The following ATAD1 variants were observed in gnomAD, a reference collection of about 807,000 sequenced individuals.
The protein encoded by ATAD1 is outer mitochondrial transmembrane helix translocase.
Under a neutral mutation model 42.7 loss-of-function variants are expected in ATAD1, and 18 were observed. That is an observed-to-expected ratio of 0.42 (90% CI 0.29 to 0.63). The LOEUF (loss-of-function observed/expected upper bound fraction) is 0.63, where lower values mean the gene tolerates loss of function less well. Ranked by LOEUF, ATAD1 falls within the 20% of genes least tolerant of loss-of-function variation. The probability of loss-of-function intolerance (pLI) is 0.19; values close to 1 mark genes in which losing one functional copy is unlikely to be tolerated. For missense variants in ATAD1, 294 were observed against 440.4 expected (o/e 0.67, Z 2.98); for synonymous variants, 132 against 143.1 (o/e 0.92, Z 0.55).
chr10:87,797,156 A>T (rs1853167), intron 2 of ATAD1, among the ~76,000 whole-genome samples: 20 of 151,876 alleles, frequency 1.3e-4, no homozygotes, highest in Non-Finnish European at 2.4e-4. Context: ...TACCATTAGC[A>T]CAGTCAGTGA....
chr10:87,821,296 G>A (rs1279921451), upstream of ATAD1, among the ~76,000 whole-genome samples: 1 of 152,140 alleles, frequency 6.6e-6, no homozygotes, highest in South Asian at 2.1e-4. Context: ...GGGAGGCCGA[G>A]GCAGGTGGAT....
chr10:87,819,291 AC>A (rs1279500110), upstream of ATAD1: 120 of 142,012 alleles, frequency 8.4e-4, 1 homozygote, highest in Admixed American at 1.3e-3. Flanking sequence ...AAAAAAAAAA[AC>A]CACCTAAAAA....
At chr10:87,836,575 A>G (rs1428592890) in intron 1 of ATAD1, among the ~76,000 whole-genome samples, 1 of 152,118 alleles carries the variant, frequency 6.6e-6, no homozygotes, top group Non-Finnish European at 1.5e-5. Flanking sequence ...CCTGTAAATA[A>G]TGTATCATTT....
At chr10:87,839,817 TA>T (rs1029826398) in intron 1 of ATAD1, among the ~76,000 whole-genome samples, 1 of 151,436 alleles carries the variant, frequency 6.6e-6, no homozygotes, top group Non-Finnish European at 1.5e-5. Flanking sequence ...TTTAAAGAAG[TA>T]ATGGGATTGT....
At chr10:87,833,727 C>CTTTTTTTTTTTTTTTTTTT (rs3033524) in intron 1 of ATAD1, among the ~76,000 whole-genome samples, 5 of 100,768 alleles carry the variant, frequency 5.0e-5, no homozygotes, top group Non-Finnish European at 9.3e-5. Context: ...TCTTTCTTTC[C>CTTTTTTTTTTTTTTTTTTT]TTTTTTTTTT....
intron 1 of ATAD1, among the ~76,000 whole-genome samples, chr10:87,831,742 G>A (rs181436762): frequency 5.3e-5 from 8 of 152,210 alleles, no homozygotes; most frequent in South Asian, 4.1e-4. Context: ...TTATAATGTC[G>A]TATGGCATAC....
intron 8 of ATAD1, among the ~76,000 whole-genome samples, chr10:87,761,687 T>C (rs1036442548): frequency 6.6e-6 from 1 of 152,054 alleles, no homozygotes; most frequent in Non-Finnish European, 1.5e-5. Context: ...ATGAAAAATA[T>C]AATCCTAAAA....
intron 5 of ATAD1, among the ~76,000 whole-genome samples, chr10:87,777,826 G>T (rs1052004222): frequency 6.6e-6 from 1 of 152,042 alleles, no homozygotes; most frequent in Non-Finnish European, 1.5e-5. Flanking sequence ...AGTAATTTCA[G>T]CAAAAACACA....
chr10:87,792,680 G>C lies in ATAD1; in HGVS notation c.238C>G (p.Leu80Val). The stretch of plus-strand genomic sequence containing the variant: ...ACATGCATATTAAGAGGGTCTACAA[G>C]ATGAGCAGCAATACTCATTTCATAT... The part of the protein sequence containing the change: ...SEYEMSIAAH[L>V]VDPLNMHVTW... Residue 80 changes from leucine (L) to valine (V), a missense_variant, in exon 3 of 10, where the codon CTT becomes GTT. Leu to Val is a conservative substitution (Grantham distance 32). This residue lies in a region of ATAD1 where 121 missense variants were observed against 187.3 expected (regional missense o/e 0.65). Coordinates refer to ENST00000680024, the MANE Select transcript of ATAD1 (RefSeq NM_001321967.2). The C allele has an allele frequency of 2.6e-6, 4 of 1,550,530 alleles. No homozygotes were observed. The highest frequency in any genetic ancestry group is 3.5e-6 in the Non-Finnish European group (4 of 1,140,338).
intron 4 of ATAD1, among the ~76,000 whole-genome samples, chr10:87,788,918 G>C (rs1428762235): frequency 2.0e-5 from 3 of 152,078 alleles, no homozygotes; most frequent in African/African-American, 7.2e-5. Context: ...TGAGTGTTTT[G>C]TTAGGAAAAA....
intron 2 of ATAD1, among the ~76,000 whole-genome samples, chr10:87,804,472 C>T (rs1186655603): frequency 4.6e-5 from 7 of 151,968 alleles, no homozygotes; most frequent in Admixed American, 2.0e-4. Context: ...AGGGTTCAAG[C>T]GATTCTCCTG....
chr10:87,816,061 C>G (rs1857401942), intron 1 of ATAD1, among the ~76,000 whole-genome samples: 2 of 152,096 alleles, frequency 1.3e-5, no homozygotes, highest in African/African-American at 2.4e-5. Context: ...CATGAATCTT[C>G]GTATTATTCA....
chr10:87,795,182 T>A (rs547117281), intron 2 of ATAD1, among the ~76,000 whole-genome samples: 1 of 152,264 alleles, frequency 6.6e-6, no homozygotes, highest in South Asian at 2.1e-4. Flanking sequence ...TAATTTCGAA[T>A]CCCATATTTT....
At chr10:87,812,643 A>G (rs1210134752) in intron 2 of ATAD1, among the ~76,000 whole-genome samples, 1 of 152,220 alleles carries the variant, frequency 6.6e-6, no homozygotes, top group Non-Finnish European at 1.5e-5. Context: ...CCGTTGGCCA[A>G]GCAAATCCCA....
In ATAD1 at chr10:87,792,771, C is replaced by T; in HGVS notation, c.163-16G>A. On this transcript the variant is annotated splice_polypyrimidine_tract_variant and intron_variant, in intron 2 of 9. Coordinates refer to ENST00000680024, the MANE Select transcript of ATAD1 (RefSeq NM_001321967.2). The stretch of plus-strand genomic sequence containing the variant: ...GTTTTTCTGCCTAGAATGAAAAGAA[C>T]AAACAACCTGCTTTGATTTGATATT... The T allele has an allele frequency of 6.3e-7, 1 of 1,578,500 alleles. No homozygotes were observed. The highest frequency in any genetic ancestry group is 1.1e-5 in the South Asian group (1 of 90,322).
At chr10:87,755,326 A>G (rs986654078) in intron 9 of ATAD1, among the ~76,000 whole-genome samples, 2 of 152,214 alleles carry the variant, frequency 1.3e-5, no homozygotes. Context: ...CCCTACTTCA[A>G]TGAGAAACAA....
upstream of ATAD1, among the ~76,000 whole-genome samples, chr10:87,819,757 G>A (rs1376982953): frequency 1.3e-5 from 2 of 152,198 alleles, no homozygotes; most frequent in East Asian, 1.9e-4. Context: ...TGTACTTTAC[G>A]TTTTCTCTTT....
chr10:87,771,817 A>C (rs964199044), intron 6 of ATAD1, among the ~76,000 whole-genome samples: 2 of 152,180 alleles, frequency 1.3e-5, no homozygotes, highest in Non-Finnish European at 2.9e-5. Context: ...AAAACAAGTT[A>C]ATTTCTGAAG....
chr10:87,796,286 A>T (rs1356434324), intron 2 of ATAD1, among the ~76,000 whole-genome samples: 1 of 152,176 alleles, frequency 6.6e-6, no homozygotes, highest in East Asian at 1.9e-4. Flanking sequence ...CTAAAGGGAA[A>T]AGTGAAGCTG....
Sources: gnomAD v4.1 joint callset for allele counts (sites outside exome capture counted in the v4.1 genomes callset) on GRCh38, gnomAD v4.1.1 for gene constraint, gnomAD v4.1.1 regional missense constraint, MANE v1.5 for transcripts, NCBI Gene and HGNC (gene_info 2026-07-23, HGNC 2026-07-21) for gene names.